Variants in SLCO4C1 observed in about 807,000 individuals in gnomAD.
SLCO4C1 encodes organic anion transporter M1.
A neutral mutation model predicts 72.1 loss-of-function variants in SLCO4C1; 58 were observed. That is an observed-to-expected ratio of 0.80 (90% confidence interval 0.65 to 1.00). SLCO4C1 has a LOEUF of 1.00. Among genes scored for constraint, SLCO4C1 ranks in the 50% least tolerant of loss-of-function variants. The probability of loss-of-function intolerance (pLI) is 0.00; values close to 1 mark genes in which losing one functional copy is unlikely to be tolerated. For missense variants in SLCO4C1, 898 were observed against 857.9 expected (o/e 1.05, Z -0.58); for synonymous variants, 297 against 312.5 (o/e 0.95, Z 0.52).
At chr5:102,239,436 G>T (rs1748499124) in intron 11 of SLCO4C1, 48 bp from the exon 12 acceptor site, 3 of 1,342,902 alleles carry the variant, frequency 2.2e-6, no homozygotes, top group Non-Finnish European at 3.0e-6. Flanking sequence ...TTACAGTTTA[G>T]AATTACAGAT....
rs537280634 is a variant in SLCO4C1 at position 102,276,065 on chromosome 5, C to T, written c.620-5259G>A. ...ATGCACACTTGGGACCTCTTTCTTC[C>T]CAATATGCAAACTCCTATTAGCTAA... On this transcript the variant is annotated intron_variant, in intron 2 of 12. Transcript: ENST00000310954. Among the ~76,000 whole-genome samples the T allele has an allele frequency of 1.2e-4, 18 of 152,224 alleles. No individual in the cohort carries two copies. In the South Asian group the frequency reaches 3.5e-3, roughly 30 times the overall value.
chr5:102,251,292 T>C (rs913659672), intron 8 of SLCO4C1, among the ~76,000 whole-genome samples: 1 of 151,986 alleles, frequency 6.6e-6, no homozygotes, highest in African/African-American at 2.4e-5. Flanking sequence ...TTGTACAGAG[T>C]ATGAATTTGA....
At chr5:102,262,958 TC>T (rs886454905) in intron 4 of SLCO4C1, among the ~76,000 whole-genome samples, 1 of 152,066 alleles carries the variant, frequency 6.6e-6, no homozygotes, top group Admixed American at 6.6e-5. Flanking sequence ...CAGTTATTAT[TC>T]CCAGTGGCAA....
chr5:102,265,004 C>T (rs1333893137), intron 3 of SLCO4C1, among the ~76,000 whole-genome samples: 1 of 151,484 alleles, frequency 6.6e-6, no homozygotes, highest in Non-Finnish European at 1.5e-5. Flanking sequence ...ATATACATTT[C>T]GCATTTTCTT....
At chr5:102,272,014 G>T (rs1315981054) in intron 2 of SLCO4C1, among the ~76,000 whole-genome samples, 2 of 152,104 alleles carry the variant, frequency 1.3e-5, no homozygotes. Flanking sequence ...ATCAGCTCTG[G>T]TGAATATAAT....
intron 1 of SLCO4C1, among the ~76,000 whole-genome samples, chr5:102,292,402 CATATTTATCTATGACA>C (rs1401020187): frequency 1.8e-4 from 28 of 152,230 alleles, no homozygotes; most frequent in Non-Finnish European, 5.9e-5. Context: ...AATCCTTAAA[CATATTTATCTATGACA>C]AGAGATAACT....
Position 102,270,612 on chromosome 5 carries a change from G to C in SLCO4C1, c.802+12C>G, listed in dbSNP as rs554291766. On this transcript the variant is annotated intron_variant, in intron 3 of 12. Coordinates refer to ENST00000310954, the MANE Select transcript of SLCO4C1 (RefSeq NM_180991.5). ...TAAAGTGATACTGAGACAGTTTAGAGAGTAAACTTACCTATATAGAGAGAA... is the reference window on the plus strand; with the variant it reads ...TAAAGTGATACTGAGACAGTTTAGACAGTAAACTTACCTATATAGAGAGAA... 2 of 1,592,052 alleles carry C rather than the reference G, an allele frequency of 1.3e-6. No homozygotes were observed. Among genetic ancestry groups the C allele is most frequent in the East Asian group, 2.3e-5 (1 of 44,438 alleles).
intron 2 of SLCO4C1, 87 bp downstream of exon 2, chr5:102,291,256 G>T: frequency 2.2e-6 from 3 of 1,367,332 alleles, no homozygotes; most frequent in Non-Finnish European, 3.0e-6. Flanking sequence ...TTACCATACT[G>T]TGTAAGTGAA....
intron 2 of SLCO4C1, among the ~76,000 whole-genome samples, chr5:102,277,811 C>A (rs143688231): frequency 2.6e-4 from 38 of 148,228 alleles, no homozygotes; most frequent in African/African-American, 9.2e-4. Context: ...TACTTACATA[C>A]ATGTAATGCA....
At chr5:102,258,437 ATT>A (rs1748878613) in intron 6 of SLCO4C1, among the ~76,000 whole-genome samples, 1 of 152,098 alleles carries the variant, frequency 6.6e-6, no homozygotes, top group Non-Finnish European at 1.5e-5. Context: ...CCTATTTGAT[ATT>A]TTATTGTGTT....
chr5:102,239,524 G>A (rs1172498834), intron 11 of SLCO4C1, 136 bp from the exon 12 acceptor site: 1 of 521,074 alleles, frequency 1.9e-6, no homozygotes, highest in East Asian at 3.6e-5. Flanking sequence ...ATTAATTCAT[G>A]TACAAGTCAA....
At chr5:102,263,904 T>G in intron 3 of SLCO4C1, 124 bp from the exon 4 acceptor site, 2 of 656,492 alleles carry the variant, frequency 3.0e-6, no homozygotes, top group South Asian at 4.7e-5. Flanking sequence ...AAATCACACA[T>G]ATTTTCACTA....
At position 102,249,823 on chromosome 5, in the gene SLCO4C1, T is replaced by G. The variant is rs763883770; in HGVS notation, c.1470-35A>C. The G allele has an allele frequency of 6.3e-6, 10 of 1,597,774 alleles. 1 individual carries two copies. The South Asian group carries it at 1.1e-4, about 18-fold the overall frequency. ...AGAAATGAAAGAAGGGTAAATGATC[T>G]GTCATAACTTTTAACTAACAATTTC... On this transcript the variant is annotated intron_variant, in intron 8 of 12. Transcript: ENST00000310954.
intron 2 of SLCO4C1, 91 bp downstream of exon 2, chr5:102,291,252 T>C: frequency 6.0e-6 from 8 of 1,338,788 alleles, no homozygotes; most frequent in Non-Finnish European, 7.2e-6. Flanking sequence ...ACCCTTACCA[T>C]ACTGTGTAAG....
At position 102,236,689 on chromosome 5, in the gene SLCO4C1, C is replaced by A; in HGVS notation, c.*169G>T. ...GGGCTTTGAAGGCACAGGTCTGTTT[C>A]TTGCATAAAACAAAAACTACATAAG... On this transcript the variant is annotated 3_prime_UTR_variant, in exon 13 of 13. Transcript: ENST00000310954. 1 of 680,712 alleles carries A rather than the reference C, an allele frequency of 1.5e-6. No homozygotes were observed. The highest frequency in any genetic ancestry group is 2.0e-5 in the South Asian group (1 of 50,484). 42.2% of individuals were successfully genotyped at this position (680,712 alleles called of 1,614,324 possible).
chr5:102,281,562 G>A (rs947641481), intron 2 of SLCO4C1, among the ~76,000 whole-genome samples: 8 of 151,908 alleles, frequency 5.3e-5, no homozygotes, highest in African/African-American at 1.7e-4. Flanking sequence ...CCTAGTACTC[G>A]GAAAACATAA....
At chr5:102,262,108 C>CTT in intron 4 of SLCO4C1, 75 bp from the exon 5 acceptor site, 1 of 1,256,530 alleles carries the variant, frequency 8.0e-7, no homozygotes, top group Non-Finnish European at 1.1e-6. Flanking sequence ...TAATCATATA[C>CTT]TTTATACTTC....
chr5:102,243,145 G>C (rs1034898130), intron 10 of SLCO4C1, among the ~76,000 whole-genome samples: 1 of 152,170 alleles, frequency 6.6e-6, no homozygotes, highest in Non-Finnish European at 1.5e-5. Flanking sequence ...AGAGTGGAAA[G>C]GACTACACTG....
intron 2 of SLCO4C1, among the ~76,000 whole-genome samples, chr5:102,280,439 C>T (rs541510871): frequency 6.6e-6 from 1 of 151,104 alleles, no homozygotes; most frequent in East Asian, 1.9e-4. Flanking sequence ...ATATAAAATA[C>T]TGATGAAAAA....
Sources: gnomAD v4.1 joint callset for allele counts (sites outside exome capture counted in the v4.1 genomes callset) on GRCh38, gnomAD v4.1.1 for gene constraint, MANE v1.5 for transcripts, NCBI Gene and HGNC (gene_info 2026-07-23, HGNC 2026-07-21) for gene names.